Variants in BAZ2B observed in about 807,000 individuals in gnomAD.
The protein encoded by BAZ2B is bromodomain adjacent to zinc finger domain 2B.
Under a neutral mutation model 246.0 loss-of-function variants are expected in BAZ2B, and 91 were observed. The ratio of observed to expected loss-of-function variants is 0.37; its 90% CI spans 0.31 to 0.44. The LOEUF (loss-of-function observed/expected upper bound fraction) is 0.44, where lower values mean the gene tolerates loss of function less well. BAZ2B is among the 20% of genes least tolerant of loss of function. BAZ2B has a pLI of 1.00. For missense variants in BAZ2B, 2,332 were observed against 2,533.7 expected, an observed-to-expected ratio of 0.92 and a Z score of 1.71; for synonymous variants, 855 against 860.0, an observed-to-expected ratio of 0.99 and a Z score of 0.10.
At chr2:159,478,291 T>C (rs2078853168) in intron 3 of BAZ2B, among the ~76,000 whole-genome samples, 1 of 152,166 alleles carries the variant, frequency 6.6e-6, no homozygotes, top group Non-Finnish European at 1.5e-5. Context: ...CTTTCCCTCT[T>C]GGGCCTATTG....
chr2:159,624,478 G>A, the BAZ2B span, among the ~76,000 whole-genome samples: 1 of 152,196 alleles, frequency 6.6e-6, no homozygotes, highest in Non-Finnish European at 1.5e-5. Context: ...CCTCTGGGAC[G>A]AAGCTTCCAG....
At chr2:159,477,595 A>G (rs2078749814) in intron 3 of BAZ2B, among the ~76,000 whole-genome samples, 1 of 152,110 alleles carries the variant, frequency 6.6e-6, no homozygotes, top group Non-Finnish European at 1.5e-5. Flanking sequence ...TTTAATTCTG[A>G]ATAAGAAAAA....
intron 13 of BAZ2B, among the ~76,000 whole-genome samples, chr2:159,426,442 C>T (rs1214204135): frequency 1.3e-5 from 2 of 152,136 alleles, no homozygotes; most frequent in African/African-American, 2.4e-5. Flanking sequence ...TGTTTTATGA[C>T]TTTAAAACTG....
At chr2:159,689,251 A>T in the BAZ2B span, 5 of 478,566 alleles carry the variant, frequency 1.0e-5, no homozygotes, top group Non-Finnish European at 1.9e-5. Flanking sequence ...CATATCCATC[A>T]ACTCATTCAA....
At chr2:159,487,055 T>C (rs2079919113) in intron 2 of BAZ2B, among the ~76,000 whole-genome samples, 4 of 152,194 alleles carry the variant, frequency 2.6e-5, no homozygotes. Flanking sequence ...AACTGGATTC[T>C]AGGATGGGAT....
At chr2:159,612,217 TTTC>T (rs1177831223) in intron 1 of BAZ2B, among the ~76,000 whole-genome samples, 1 of 152,074 alleles carries the variant, frequency 6.6e-6, no homozygotes, top group South Asian at 2.1e-4. Flanking sequence ...CCAATAATTA[TTTC>T]TTTTCTTTTG....
At chr2:159,688,581 C>T in the BAZ2B span, among the ~76,000 whole-genome samples, 4 of 152,066 alleles carry the variant, frequency 2.6e-5, no homozygotes, top group African/African-American at 9.7e-5. Context: ...AATTGTTTCA[C>T]TAATGTACTT....
chr2:159,593,912 G>T (rs1313522462), intron 1 of BAZ2B, among the ~76,000 whole-genome samples: 1 of 152,166 alleles, frequency 6.6e-6, no homozygotes, highest in African/African-American at 2.4e-5. Context: ...AACCAGGCCT[G>T]TCCCTGCTTT....
chr2:159,324,955 C>G lies in BAZ2B; in HGVS notation c.6210-1G>C. The G allele has an allele frequency of 6.6e-7, 1 of 1,512,690 alleles. No homozygotes were observed. The highest frequency in any genetic ancestry group is 8.7e-7 in the Non-Finnish European group (1 of 1,142,946). 93.7% of individuals were successfully genotyped at this position (1,512,690 alleles called of 1,614,324 possible). A position where few individuals can be genotyped will look rare whatever the true frequency, so the allele number is the denominator to read the frequency against. ...AGTTTCCATTTCAGTCAGAATCATA[C>G]TAAAGAAAATAATGTTTGAAATCAG... On this transcript the variant is annotated splice_acceptor_variant, in intron 35 of 36. Coordinates refer to ENST00000392783, the MANE Select transcript of BAZ2B (RefSeq NM_013450.4). LOFTEE classifies it high-confidence loss of function.
chr2:159,559,116 T>G (rs982696825), intron 1 of BAZ2B, among the ~76,000 whole-genome samples: 1 of 152,060 alleles, frequency 6.6e-6, no homozygotes, highest in Non-Finnish European at 1.5e-5. Context: ...GGCACACGCC[T>G]GTAGTCCCGC....
At chr2:159,534,883 A>T (rs2085777864) in intron 2 of BAZ2B, among the ~76,000 whole-genome samples, 1 of 152,218 alleles carries the variant, frequency 6.6e-6, no homozygotes, top group African/African-American at 2.4e-5. Context: ...CTGGGCTTAC[A>T]GGTGTGAGCC....
chr2:159,698,521 AAAAAAAAC>A, the BAZ2B span, among the ~76,000 whole-genome samples: 643 of 146,652 alleles, frequency 4.4e-3, 3 homozygotes, highest in Non-Finnish European at 7.5e-3. Flanking sequence ...CCCACAAAAA[AAAAAAAAC>A]AAAAAAAACA....
downstream of BAZ2B, among the ~76,000 whole-genome samples, chr2:159,315,525 T>C (rs572061981): frequency 3.9e-5 from 6 of 152,338 alleles, no homozygotes; most frequent in East Asian, 1.9e-4. Flanking sequence ...GTGGTAGCTA[T>C]TGGCTGCTCC....
At chr2:159,584,704 GT>G (rs1274870129) in intron 1 of BAZ2B, among the ~76,000 whole-genome samples, 1 of 152,206 alleles carries the variant, frequency 6.6e-6, no homozygotes, top group Non-Finnish European at 1.5e-5. Flanking sequence ...ACAGGACATG[GT>G]TTAGATCTGT....
chr2:159,362,074 C>T (rs1350195439), intron 27 of BAZ2B, among the ~76,000 whole-genome samples: 1 of 151,934 alleles, frequency 6.6e-6, no homozygotes, highest in Non-Finnish European at 1.5e-5. Flanking sequence ...CCTGTATGTT[C>T]TACACTTGTA....
the BAZ2B span, among the ~76,000 whole-genome samples, chr2:159,657,796 T>C: frequency 7.2e-5 from 11 of 152,238 alleles, no homozygotes; most frequent in African/African-American, 2.4e-4. Context: ...CTGGATTTTG[T>C]ATATTCACTT....
At chr2:159,358,150 T>A (rs2059313223) in intron 27 of BAZ2B, among the ~76,000 whole-genome samples, 1 of 152,156 alleles carries the variant, frequency 6.6e-6, no homozygotes, top group Non-Finnish European at 1.5e-5. Context: ...AATGCCCCAA[T>A]TAAAAGACAC....
At chr2:159,623,778 T>C in the BAZ2B span, among the ~76,000 whole-genome samples, 7 of 152,214 alleles carry the variant, frequency 4.6e-5, no homozygotes, top group East Asian at 3.8e-4. Context: ...AATAGGTATA[T>C]ATACAGGAAG....
At chr2:159,376,903 T>TAAG (rs2061465646) in intron 25 of BAZ2B, among the ~76,000 whole-genome samples, 1 of 152,072 alleles carries the variant, frequency 6.6e-6, no homozygotes, top group Non-Finnish European at 1.5e-5. Flanking sequence ...CAACAACAAC[T>TAAG]AAGAACACAG....
Sources: gnomAD v4.1 joint callset for allele counts (sites outside exome capture counted in the v4.1 genomes callset) on GRCh38, gnomAD v4.1.1 for gene constraint, MANE v1.5 for transcripts, NCBI Gene and HGNC (gene_info 2026-07-23, HGNC 2026-07-21) for gene names.